Variants in TRPM2 observed in about 807,000 individuals in gnomAD.
TRPM2 encodes the protein transient receptor potential cation channel subfamily M member 2, also known as estrogen-responsive element-associated gene 1 protein.
In TRPM2, 161 loss-of-function variants were observed where a neutral mutation model predicts 174.0. The ratio of observed to expected loss-of-function variants is 0.93; its 90% confidence interval spans 0.81 to 1.05. The LOEUF (loss-of-function observed/expected upper bound fraction) is 1.05. Ranked by LOEUF, TRPM2 falls within the 50% of genes least tolerant of loss-of-function variation. TRPM2 has a pLI of 0.00. For synonymous variants in TRPM2, 954 were observed against 861.3 expected, an observed-to-expected ratio of 1.11 and a Z score of -1.88; for missense variants, 2,057 against 2,038.0, an observed-to-expected ratio of 1.01 and a Z score of -0.18.
At chr21:44,397,566 G>C (rs912967896) in intron 12 of TRPM2, among the ~76,000 whole-genome samples, 181 bp from the exon 13 acceptor site, 3 of 151,698 alleles carry the variant, frequency 2.0e-5, no homozygotes, top group African/African-American at 7.3e-5. Context: ...CATCATCAGA[G>C]GTTGTGTATT....
At chr21:44,381,877 A>C (rs1442995451) in intron 8 of TRPM2, among the ~76,000 whole-genome samples, 1 of 151,396 alleles carries the variant, frequency 6.6e-6, no homozygotes, top group African/African-American at 2.4e-5. Context: ...ACTGCACTCC[A>C]GCCTGGGTGG....
At chr21:44,377,156 G>C (rs1214043194) in intron 6 of TRPM2, among the ~76,000 whole-genome samples, 1 of 152,202 alleles carries the variant, frequency 6.6e-6, no homozygotes, top group Non-Finnish European at 1.5e-5. Context: ...ATGGGCCCAT[G>C]GGGGGCTCAC....
Position 44,441,842 on chromosome 21 carries a change from C to T in TRPM2, c.*25C>T, listed in dbSNP as rs776944361. The T allele has an allele frequency of 5.0e-6, 8 of 1,585,790 alleles. No individual in the cohort carries two copies. Among genetic ancestry groups the T allele is most frequent in the Admixed American group, 1.7e-5 (1 of 57,454 alleles). On this transcript the variant is annotated 3_prime_UTR_variant, in exon 32 of 32. Coordinates refer to ENST00000397928, the MANE Select transcript of TRPM2 (RefSeq NM_003307.4). The stretch of plus-strand genomic sequence containing the variant: ...ACTGTGCCCTCAGGCTGGGCGGCTC[C>T]AGTCCATAGACGTTCCCCCCAGAAA...
intron 18 of TRPM2, 145 bp from the exon 19 acceptor site, chr21:44,406,448 GC>G: frequency 1.0e-6 from 1 of 977,302 alleles, no homozygotes; most frequent in Non-Finnish European, 1.5e-6. Context: ...TGTGGGGGCA[GC>G]CCCAGGACTG....
chr21:44,424,164 C>T (rs1346609983), intron 23 of TRPM2, among the ~76,000 whole-genome samples: 1 of 152,202 alleles, frequency 6.6e-6, no homozygotes, highest in Non-Finnish European at 1.5e-5. Context: ...TGTCCAACAA[C>T]AGCACCTGCG....
chr21:44,437,896 T>C (rs976372236), intron 29 of TRPM2, among the ~76,000 whole-genome samples: 7 of 152,230 alleles, frequency 4.6e-5, no homozygotes, highest in African/African-American at 1.4e-4. Flanking sequence ...CCGTGGCGCA[T>C]GGCCTCTGGG....
At chr21:44,387,183 CT>C (rs1254159225) in intron 9 of TRPM2, among the ~76,000 whole-genome samples, 1 of 151,986 alleles carries the variant, frequency 6.6e-6, no homozygotes, top group Admixed American at 6.6e-5. Context: ...AAGACCCTGT[CT>C]CAAAAAAATC....
chr21:44,434,550 C>CCGTTT (rs1320644565), intron 27 of TRPM2, among the ~76,000 whole-genome samples: 1 of 152,122 alleles, frequency 6.6e-6, no homozygotes, highest in Non-Finnish European at 1.5e-5. Context: ...AGGAAATCGC[C>CCGTTT]CGTTTCTAGA....
intron 2 of TRPM2, among the ~76,000 whole-genome samples, chr21:44,363,443 GTCTCC>G (rs1282557201): frequency 6.6e-6 from 1 of 152,042 alleles, no homozygotes; most frequent in African/African-American, 2.4e-5. Context: ...TCTTTCCTCT[GTCTCC>G]TCCATCCTGC....
intron 15 of TRPM2, 129 bp downstream of exon 15, chr21:44,400,500 A>G (rs2049582190): frequency 1.2e-6 from 1 of 808,138 alleles, no homozygotes; most frequent in Non-Finnish European, 1.9e-6. Context: ...TTGTCCCTGG[A>G]TCCTGGGGCT....
intron 20 of TRPM2, among the ~76,000 whole-genome samples, chr21:44,417,147 G>T (rs1434487367): frequency 7.3e-5 from 9 of 123,728 alleles, no homozygotes; most frequent in African/African-American, 1.3e-4. Context: ...CATCACAGTG[G>T]GCACGTGGGC....
chr21:44,368,855 T>C (rs1245092792), intron 4 of TRPM2, among the ~76,000 whole-genome samples: 3 of 152,100 alleles, frequency 2.0e-5, no homozygotes, highest in African/African-American at 7.2e-5. Flanking sequence ...CTGCCGCACC[T>C]GGGTCCTGAA....
intron 25 of TRPM2, among the ~76,000 whole-genome samples, chr21:44,426,047 A>AG (rs1456782410): frequency 6.6e-6 from 1 of 152,120 alleles, no homozygotes; most frequent in African/African-American, 2.4e-5. Context: ...GAGGGGCCTG[A>AG]GGGGGGCACA....
intron 9 of TRPM2, among the ~76,000 whole-genome samples, chr21:44,389,598 G>A (rs1027626408): frequency 1.3e-5 from 2 of 152,176 alleles, no homozygotes; most frequent in Non-Finnish European, 2.9e-5. Context: ...TGGATGTGAA[G>A]TGACATCTCA....
chr21:44,408,581 G>T (rs73375990), intron 19 of TRPM2, among the ~76,000 whole-genome samples: 5,113 of 151,092 alleles, frequency 0.034, 253 homozygotes, highest in African/African-American at 0.1. Context: ...CCGCCATGCT[G>T]AGCATCTCCT....
intron 8 of TRPM2, among the ~76,000 whole-genome samples, chr21:44,381,318 C>T (rs2048872216): frequency 6.6e-6 from 1 of 151,834 alleles, no homozygotes; most frequent in Non-Finnish European, 1.5e-5. Context: ...TCGCCCTGGA[C>T]ACAGGGGGAA....
chr21:44,423,609 G>A (rs771198492), intron 22 of TRPM2, 36 bp from the exon 23 acceptor site: 1 of 1,579,834 alleles, frequency 6.3e-7, no homozygotes. Flanking sequence ...GCCCCAAGGT[G>A]TGGTGTGCGT....
At position 44,391,469 on chromosome 21, in the gene TRPM2, C is replaced by A. The variant is rs754641495; in HGVS notation, c.1638C>A (p.Arg546=). The change falls in exon 11 of 32, where the codon CGC becomes CGA. Residue 546 remains arginine, a synonymous_variant. Transcript: ENST00000397928. This position sits in a 1 kb window ranked among gnomAD's most constrained non-coding sequence, Gnocchi z 5.0. The part of the protein sequence containing the change: ...LQKVLVEDPE[R]PACAPAAPRL... ...AGGTGCTGGTGGAGGATCCCGAGCG[C>A]CCGGCTTGCGCGCCCGCGGCGCCCC... 7 of 1,611,750 alleles carry A rather than the reference C, an allele frequency of 4.3e-6. No homozygotes were observed. In the South Asian group the frequency reaches 6.6e-5, roughly 15 times the overall value.
At chr21:44,357,539 A>G (rs577511970) in intron 2 of TRPM2, among the ~76,000 whole-genome samples, 9 of 152,316 alleles carry the variant, frequency 5.9e-5, no homozygotes, top group African/African-American at 1.9e-4. Context: ...TCTCCTGTGC[A>G]GGCGCCATGC....
Sources: allele counts gnomAD v4.1 joint callset (sites outside exome capture counted in the v4.1 genomes callset), GRCh38; gene constraint gnomAD v4.1.1; non-coding constraint Gnocchi (gnomAD v3.1); transcripts MANE v1.5; gene names NCBI Gene and HGNC (gene_info 2026-07-23, HGNC 2026-07-21).